NINL: variants seen among roughly 807,000 people sequenced by gnomAD.
NINL encodes the protein ninein-like protein.
A neutral mutation model predicts 160.3 loss-of-function variants in NINL; 153 were observed. That is an observed-to-expected ratio of 0.95 (90% CI 0.84 to 1.09). The LOEUF is 1.09. Among genes scored for constraint, NINL ranks in the 50% least tolerant of loss-of-function variants. The probability of loss-of-function intolerance (pLI) is 0.00; values close to 1 mark genes in which losing one functional copy is unlikely to be tolerated. For missense variants in NINL, 1,829 were observed against 1,764.0 expected (o/e 1.04, Z -0.66); for synonymous variants, 800 against 734.8 (o/e 1.09, Z -1.43).
chr20:25,501,161 G>T, intron 7 of NINL, 151 bp from the exon 8 acceptor site: 1 of 1,034,672 alleles, frequency 9.7e-7, no homozygotes, highest in South Asian at 1.7e-5. Flanking sequence ...GGGGTCAGAG[G>T]TGCAGCCCCA....
chr20:25,555,985 A>T (rs904810455), intron 1 of NINL, among the ~76,000 whole-genome samples: 1 of 26,748 alleles, frequency 3.7e-5, no homozygotes, highest in South Asian at 1.1e-3. Flanking sequence ...TATTTTCAAT[A>T]AAAAAAAAAA....
chr20:25,453,604 C>G lies in NINL; in HGVS notation c.3996G>C (p.Glu1332Asp). 1.2e-6 allele frequency: 2 copies of G among 1,612,002 alleles called. No homozygotes were observed. The highest frequency in any genetic ancestry group is 1.7e-6 in the Non-Finnish European group (2 of 1,178,992). The change falls in exon 24 of 24, where the codon GAG becomes GAC. Residue 1332 changes from glutamate (E) to aspartate (D), a missense_variant. Transcript: ENST00000278886. ...CCAGGTGGGCGTTCTCCACGTACAG[C>G]TCCTTCAGCAGCAGGTCGGACTTCG... ...KNTKSDLLLK[E>D]LYVENAHLVR...
chr20:25,514,172 C>G (rs1305138539), intron 3 of NINL, among the ~76,000 whole-genome samples: 1 of 152,168 alleles, frequency 6.6e-6, no homozygotes, highest in Non-Finnish European at 1.5e-5. Context: ...GTCCAGACTG[C>G]AGTGGTCTCA....
chr20:25,540,935 C>CTTT (rs33981300), intron 1 of NINL, among the ~76,000 whole-genome samples: 109 of 148,168 alleles, frequency 7.4e-4, no homozygotes, highest in Non-Finnish European at 1.1e-3. Context: ...AAAGCTATCC[C>CTTT]TTTTTTTTTT....
chr20:25,568,106 T>C (rs1380480763), intron 1 of NINL, among the ~76,000 whole-genome samples: 2 of 149,548 alleles, frequency 1.3e-5, no homozygotes, highest in Non-Finnish European at 3.0e-5. Flanking sequence ...CGCAGAAAAG[T>C]AATAGAAAAA....
chr20:25,560,854 T>A (rs1263667600), intron 1 of NINL, among the ~76,000 whole-genome samples: 1 of 152,034 alleles, frequency 6.6e-6, no homozygotes, highest in Non-Finnish European at 1.5e-5. Flanking sequence ...AAAAATATCT[T>A]TCACGAATTA....
At chr20:25,461,685 G>C in intron 20 of NINL, 50 bp from the exon 21 acceptor site, 1 of 1,241,846 alleles carries the variant, frequency 8.1e-7, no homozygotes, top group East Asian at 2.3e-5. Context: ...TGAAGAGTCT[G>C]GTATGTAATT....
chr20:25,519,285 T>C (rs1423387403), intron 2 of NINL, among the ~76,000 whole-genome samples: 1 of 152,172 alleles, frequency 6.6e-6, no homozygotes, highest in Non-Finnish European at 1.5e-5. Context: ...TTCAATGCCT[T>C]TGTTATCATG....
At chr20:25,480,130 C>T (rs1378254926) in intron 15 of NINL, 31 bp downstream of exon 15, 5 of 1,529,108 alleles carry the variant, frequency 3.3e-6, no homozygotes, top group Admixed American at 1.7e-5. Context: ...AGCTACTCCC[C>T]CAGGGCCCCA....
intron 1 of NINL, among the ~76,000 whole-genome samples, chr20:25,561,548 A>G (rs189373237): frequency 1.4e-5 from 2 of 139,970 alleles, no homozygotes; most frequent in African/African-American, 2.7e-5. Context: ...GGAAAGTGAG[A>G]AGCGTCTCTG....
Position 25,462,417 on chromosome 20 carries a change from C to T in NINL, c.3548G>A (p.Ser1183Asn). The change falls in exon 20 of 24, where the codon AGC becomes AAC. Residue 1183 changes from serine (S) to asparagine (N), a missense_variant. Transcript: ENST00000278886. ...CCCACTGCGAACCACCTCCTCCAGG[C>T]TCTGTGTTAACATCTGAATGGTCAC... ...HRVTIQMLTQ[S>N]LEEVVRSGQQ... 6.2e-7 allele frequency: 1 copy of T among 1,614,120 alleles called. No homozygotes were observed. The highest frequency in any genetic ancestry group is 8.5e-7 in the Non-Finnish European group (1 of 1,180,024).
chr20:25,504,583 CCA>C (rs1250505953), intron 6 of NINL, among the ~76,000 whole-genome samples: 1 of 152,118 alleles, frequency 6.6e-6, no homozygotes, highest in African/African-American at 2.4e-5. Context: ...TGGAACCCGG[CCA>C]CACAGAGAAG....
chr20:25,458,611 C>T lies in NINL; in HGVS notation c.3697-82G>A, dbSNP rs1161881431. The T allele has an allele frequency of 6.4e-6, 9 of 1,396,948 alleles. No individual in the cohort carries two copies. In the East Asian group the frequency reaches 1.5e-4, roughly 23 times the overall value. The allele number at this position is 1,396,948 out of a possible 1,614,324, so 86.5% of individuals were successfully genotyped here. A position where few individuals can be genotyped will look rare whatever the true frequency, so the allele number is the denominator to read the frequency against. On this transcript the variant is annotated intron_variant, in intron 21 of 23. Transcript: ENST00000278886. ...GCACCCTCTCCATCCAAGGACACCC[C>T]CACCTGCAAGGGCAAGGAAAGCGTG... is the stretch of plus-strand genomic sequence containing the variant.
intron 12 of NINL, among the ~76,000 whole-genome samples, chr20:25,489,631 C>T (rs2063578973): frequency 6.6e-6 from 1 of 152,142 alleles, no homozygotes; most frequent in African/African-American, 2.4e-5. Context: ...TGCCCTCCCT[C>T]CACGCCCCCC....
chr20:25,549,927 A>G (rs1165192562), intron 1 of NINL, among the ~76,000 whole-genome samples: 1 of 152,226 alleles, frequency 6.6e-6, no homozygotes, highest in South Asian at 2.1e-4. Flanking sequence ...TCCTTCTAAA[A>G]GGGGAAAACT....
rs1348498999 is a variant in NINL, at chr20:25,500,965, C to G, written c.907G>C (p.Val303Leu). The change falls in exon 8 of 24, where the codon GTG becomes CTG. Residue 303 changes from valine to leucine, a missense_variant. Val to Leu is a conservative substitution (Grantham distance 32). Transcript: ENST00000278886. ...GCHTTTTSSL[V>L]SLCSSLRLFS... ...AGGCGCAGGCTGGAGCACAGGGACA[C>G]GAGGGATGAGGTTGTGGTGGTGTGG... The G allele has an allele frequency of 6.2e-7, 1 of 1,614,188 alleles. No homozygotes were observed. The highest frequency in any genetic ancestry group is 8.5e-7 in the Non-Finnish European group (1 of 1,180,042).
At chr20:25,467,492 T>C (rs2062944702) in intron 18 of NINL, 34 bp from the exon 19 acceptor site, 1 of 1,541,052 alleles carries the variant, frequency 6.5e-7, no homozygotes, top group South Asian at 1.1e-5. Context: ...GTGATACCAC[T>C]TGTGACCAAC....
intron 21 of NINL, among the ~76,000 whole-genome samples, chr20:25,459,436 A>T (rs1268023276): frequency 6.6e-6 from 1 of 152,170 alleles, no homozygotes; most frequent in Non-Finnish European, 1.5e-5. Context: ...CCTGCACCCC[A>T]CATTTTCCAG....
rs139278158 is a variant in NINL at position 25,461,554 on chromosome 20, G to C, written c.3664C>G (p.Leu1222Val). ...TGACTTTCCTCAAGGGTCTGGGTCA[G>C]CTCTGACCATGGCAGCTGCAGGCTC... ...HQSLQLPWSE[L>V]TQTLEESQDQ... Residue 1222 changes from leucine (L) to valine (V), a missense_variant, in exon 21 of 24, where the codon CTG becomes GTG. Leu to Val is a conservative substitution (Grantham distance 32). Transcript: ENST00000278886. 1.9e-3 allele frequency: 3,103 copies of C among 1,601,872 alleles called. 9 individuals carry two copies. Among genetic ancestry groups the C allele is most frequent in the Non-Finnish European group, 2.2e-3 (2,612 of 1,175,410 alleles).
Sources: allele counts gnomAD v4.1 joint callset (sites outside exome capture counted in the v4.1 genomes callset), GRCh38; gene constraint gnomAD v4.1.1; transcripts MANE v1.5; gene names NCBI Gene and HGNC (gene_info 2026-07-23, HGNC 2026-07-21).